SLC12A8: variants seen among roughly 807,000 people sequenced by gnomAD.
SLC12A8 encodes the protein cation-chloride cotransporter 9.
Under a neutral mutation model 75.6 loss-of-function variants are expected in SLC12A8, and 69 were observed. The observed-to-expected ratio is 0.91, with a 90% CI of 0.75 to 1.11. The LOEUF is 1.11. Among genes scored for constraint, SLC12A8 ranks in the 50% most tolerant of loss-of-function variants. The pLI is 0.00. For missense variants in SLC12A8, 877 were observed against 896.7 expected, an observed-to-expected ratio of 0.98 and a Z score of 0.28; for synonymous variants, 365 against 372.8, an observed-to-expected ratio of 0.98 and a Z score of 0.24.
At chr3:125,198,582 G>A (rs370062199) in intron 2 of SLC12A8, among the ~76,000 whole-genome samples, 2 of 149,524 alleles carry the variant, frequency 1.3e-5, no homozygotes, top group African/African-American at 4.9e-5. Flanking sequence ...GCAGTGAGCC[G>A]AGATCTCACC....
At position 125,196,531 on chromosome 3, in the gene SLC12A8, T is replaced by C. The variant is rs148986106; in HGVS notation, c.52-6010A>G. 3.0e-4 allele frequency among the ~76,000 whole-genome samples: 46 copies of C among 152,298 alleles called. No homozygotes were observed. The Middle Eastern group carries it at 0.01, about 34-fold the overall frequency. ...GAAGAATAACCCCCATACTGAGGAA[T>C]TGGAGTTAGACGTATTAGTATGAAT... On this transcript the variant is annotated intron_variant, in intron 2 of 13. Transcript: ENST00000469902.
chr3:125,134,430 G>A (rs1183458511), intron 6 of SLC12A8, among the ~76,000 whole-genome samples: 1 of 152,114 alleles, frequency 6.6e-6, no homozygotes, highest in Non-Finnish European at 1.5e-5. Flanking sequence ...TTTTATTATT[G>A]AGTGGTTTTC....
chr3:125,190,534 C>T lies in SLC12A8; in HGVS notation c.52-13G>A. 1.2e-6 allele frequency: 2 copies of T among 1,613,418 alleles called. No homozygotes were observed. The highest frequency in any genetic ancestry group is 1.7e-6 in the Non-Finnish European group (2 of 1,179,544). On this transcript the variant is annotated splice_polypyrimidine_tract_variant and intron_variant, in intron 2 of 13. Coordinates refer to ENST00000469902, the MANE Select transcript of SLC12A8 (RefSeq NM_024628.6). The stretch of plus-strand genomic sequence containing the variant: ...GGGCCAGGGCATCCTGCAAACAGAA[C>T]ACACAGAAATCAGCTGAGGGGCCAT...
intron 5 of SLC12A8, among the ~76,000 whole-genome samples, chr3:125,163,350 G>A (rs1394934518): frequency 1.3e-5 from 2 of 151,456 alleles, no homozygotes; most frequent in Non-Finnish European, 2.9e-5. Flanking sequence ...GTTCACGCCT[G>A]TAATCCCAGC....
intron 10 of SLC12A8, among the ~76,000 whole-genome samples, chr3:125,106,234 C>T (rs2107740925): frequency 6.6e-6 from 1 of 152,070 alleles, no homozygotes; most frequent in South Asian, 2.1e-4. Flanking sequence ...AAATTGTACA[C>T]TTATTACATT....
chr3:125,142,578 C>T (rs932160566), intron 5 of SLC12A8, among the ~76,000 whole-genome samples: 2 of 152,200 alleles, frequency 1.3e-5, no homozygotes, highest in Admixed American at 1.3e-4. Flanking sequence ...GAATCAGGAA[C>T]CAGGGTTCGG....
chr3:125,086,015 C>T (rs2107728605), intron 13 of SLC12A8, among the ~76,000 whole-genome samples: 1 of 152,076 alleles, frequency 6.6e-6, no homozygotes, highest in African/African-American at 2.4e-5. Flanking sequence ...AGTGATTCTC[C>T]TGCCTCAGCC....
intron 5 of SLC12A8, among the ~76,000 whole-genome samples, chr3:125,164,023 G>A (rs1047053818): frequency 5.3e-5 from 8 of 152,334 alleles, no homozygotes; most frequent in African/African-American, 1.7e-4. Flanking sequence ...TGTTTTAGCC[G>A]CCTCAGCTCC....
intron 10 of SLC12A8, among the ~76,000 whole-genome samples, chr3:125,102,475 A>G (rs1938905991): frequency 6.6e-6 from 1 of 152,180 alleles, no homozygotes; most frequent in African/African-American, 2.4e-5. Context: ...TTTAAGTAAG[A>G]GAGACATGAT....
At chr3:125,150,461 G>A (rs1003161192) in intron 5 of SLC12A8, among the ~76,000 whole-genome samples, 4 of 152,150 alleles carry the variant, frequency 2.6e-5, no homozygotes, top group Admixed American at 1.3e-4. Flanking sequence ...TCCCATATAC[G>A]TAGTAGTTTC....
At chr3:125,142,257 C>T (rs538518608) in intron 5 of SLC12A8, among the ~76,000 whole-genome samples, 1 of 152,246 alleles carries the variant, frequency 6.6e-6, no homozygotes, top group Admixed American at 6.5e-5. Flanking sequence ...CAGCCCCATC[C>T]TCGCCCGGAC....
intron 5 of SLC12A8, among the ~76,000 whole-genome samples, chr3:125,144,973 G>A (rs998210496): frequency 1.3e-5 from 2 of 152,130 alleles, no homozygotes; most frequent in Admixed American, 6.6e-5. Context: ...TGAGGCCATG[G>A]GCAGCTCTCC....
chr3:125,087,404 T>C (rs551194211), intron 13 of SLC12A8, among the ~76,000 whole-genome samples: 12 of 152,286 alleles, frequency 7.9e-5, no homozygotes, highest in African/African-American at 2.6e-4. Flanking sequence ...TATTTTACCA[T>C]AATTTTTAAA....
intron 2 of SLC12A8, among the ~76,000 whole-genome samples, chr3:125,207,196 A>C (rs1935242946): frequency 6.6e-6 from 1 of 152,170 alleles, no homozygotes; most frequent in African/African-American, 2.4e-5. Context: ...CACGGCCTGC[A>C]GCGGGTTTTT....
chr3:125,148,872 T>G (rs1031934141), intron 5 of SLC12A8, among the ~76,000 whole-genome samples: 1 of 152,162 alleles, frequency 6.6e-6, no homozygotes, highest in Admixed American at 6.5e-5. Context: ...AGAAGTGCCT[T>G]CAGGGACGCT....
At chr3:125,094,887 T>C (rs893035316) in intron 10 of SLC12A8, among the ~76,000 whole-genome samples, 3 of 152,244 alleles carry the variant, frequency 2.0e-5, no homozygotes, top group South Asian at 2.1e-4. Context: ...TCCCATTTGA[T>C]CTTTCAGGCA....
chr3:125,117,404 T>A (rs1256753312), intron 8 of SLC12A8, among the ~76,000 whole-genome samples: 4 of 141,442 alleles, frequency 2.8e-5, no homozygotes, highest in Admixed American at 7.5e-5. Context: ...CTGAGCAACA[T>A]GGCGAAACCC....
Position 125,190,535 on chromosome 3 carries a change from A to G in SLC12A8, c.52-14T>C, listed in dbSNP as rs781495172. On this transcript the variant is annotated splice_polypyrimidine_tract_variant and intron_variant, in intron 2 of 13. Transcript: ENST00000469902. ...GGCCAGGGCATCCTGCAAACAGAACACACAGAAATCAGCTGAGGGGCCATT... is the reference window on the plus strand; with the variant it reads ...GGCCAGGGCATCCTGCAAACAGAACGCACAGAAATCAGCTGAGGGGCCATT... The G allele has an allele frequency of 3.7e-6, 6 of 1,613,518 alleles. No individual in the cohort carries two copies. The highest frequency in any genetic ancestry group is 4.2e-6 in the Non-Finnish European group (5 of 1,179,620).
intron 3 of SLC12A8, among the ~76,000 whole-genome samples, chr3:125,190,015 C>A (rs1934876804): frequency 6.6e-6 from 1 of 151,948 alleles, no homozygotes; most frequent in Non-Finnish European, 1.5e-5. Flanking sequence ...GTGGGCGGGC[C>A]CAAGATGAAG....
Sources: gnomAD v4.1 joint callset for allele counts (sites outside exome capture counted in the v4.1 genomes callset) on GRCh38, gnomAD v4.1.1 for gene constraint, MANE v1.5 for transcripts, NCBI Gene and HGNC (gene_info 2026-07-23, HGNC 2026-07-21) for gene names.